SEMA3G: variants seen among roughly 807,000 people sequenced by gnomAD.
The protein encoded by SEMA3G is semaphorin 3G, also known as semaphorin-3G.
In SEMA3G, 70 loss-of-function variants were observed where a neutral mutation model predicts 86.2. That is an observed-to-expected ratio of 0.81 (90% CI 0.67 to 0.99). The LOEUF is 0.99. Ranked by LOEUF, SEMA3G falls within the 50% of genes least tolerant of loss-of-function variation. SEMA3G has a pLI of 0.00. For missense variants in SEMA3G, 1,002 were observed against 1,072.4 expected, an observed-to-expected ratio of 0.93 and a Z score of 0.92; for synonymous variants, 416 against 441.4, an observed-to-expected ratio of 0.94 and a Z score of 0.72.
chr3:52,440,558 C>T (rs1559610679), intron 9 of SEMA3G, 37 bp from the exon 10 acceptor site: 1 of 1,587,240 alleles, frequency 6.3e-7, no homozygotes, highest in East Asian at 2.3e-5. Context: ...CCAGAGTGGC[C>T]ATCAAGGACA....
chr3:52,442,661 C>T lies in SEMA3G; in HGVS notation c.277-40G>A, dbSNP rs368910782. The stretch of plus-strand genomic sequence containing the variant: ...CGCTGACCTCAGGTCCTCCCCTGAT[C>T]TCACAGGCTCAGTTTCCCCATCTGG... On this transcript the variant is annotated intron_variant, in intron 2 of 15. Coordinates refer to ENST00000231721, the MANE Select transcript of SEMA3G (RefSeq NM_020163.3). The surrounding 1 kb of genome is among the most constrained non-coding windows in gnomAD (Gnocchi z 6.1). 1 of 1,614,068 alleles carries T rather than the reference C, an allele frequency of 6.2e-7. No homozygotes were observed.
Position 52,439,693 on chromosome 3 carries a change from A to G in SEMA3G, c.1454T>C (p.Leu485Pro). The G allele has an allele frequency of 6.2e-7, 1 of 1,613,800 alleles. No homozygotes were observed. Among genetic ancestry groups the G allele is most frequent in the Non-Finnish European group, 8.5e-7 (1 of 1,179,812 alleles). Residue 485 changes from leucine (L) to proline (P), a missense_variant, in exon 12 of 16, where the codon CTC (leucine) becomes CCC (proline). By Grantham distance (98) the Leu-to-Pro change is moderately conservative. Transcript: ENST00000231721. ...CCCCTTGCTTACCTTAAACACCTGG[A>G]GCTCCTCCAGAACCACTTCCTCAGG... is the stretch of plus-strand genomic sequence containing the variant. Reference protein sequence around the residue: ...AEPEEVVLEELQVFKVPTPIT... With the variant: ...AEPEEVVLEEPQVFKVPTPIT...
chr3:52,440,206 G>C (rs1706124757), intron 10 of SEMA3G, 108 bp from the exon 11 acceptor site: 3 of 1,210,318 alleles, frequency 2.5e-6, no homozygotes, highest in African/African-American at 3.1e-5. Context: ...ACTGCAGGAG[G>C]GCTCTCCTCT....
At chr3:52,443,131 T>G in intron 1 of SEMA3G, 2 of 1,150,086 alleles carry the variant, frequency 1.7e-6, no homozygotes, top group Non-Finnish European at 2.5e-6. Context: ...CCCTGGGGCC[T>G]ACCTCCCACC....
intron 10 of SEMA3G, 128 bp from the exon 11 acceptor site, chr3:52,440,226 C>T: frequency 9.5e-7 from 1 of 1,053,016 alleles, no homozygotes; most frequent in Non-Finnish European, 1.3e-6. Flanking sequence ...TTCCACTACA[C>T]CCACCCCACC....
chr3:52,435,652 C>A lies in SEMA3G; in HGVS notation c.2300G>T (p.Arg767Leu). The A allele has an allele frequency of 6.2e-7, 1 of 1,614,008 alleles. No individual in the cohort carries two copies. The highest frequency in any genetic ancestry group is 8.5e-7 in the Non-Finnish European group (1 of 1,180,004). The change falls in exon 16 of 16, where the codon CGG (arginine) becomes CTG (leucine). Residue 767 changes from arginine to leucine, a missense_variant. By Grantham distance (102) the Arg-to-Leu change is moderately radical. Coordinates refer to ENST00000231721, the MANE Select transcript of SEMA3G (RefSeq NM_020163.3). Reference sequence around the variant, plus strand: ...CGTCCGATTGTGCTCGGCATGCACCCGGCTCTTCATCTTCTTGCCTAGCTC... The same window carrying A: ...CGTCCGATTGTGCTCGGCATGCACCAGGCTCTTCATCTTCTTGCCTAGCTC... Reference protein sequence around the residue: ...GLELGKKMKSRVHAEHNRTPR... With the variant: ...GLELGKKMKSLVHAEHNRTPR...
intron 1 of SEMA3G, among the ~76,000 whole-genome samples, 179 bp downstream of exon 1, chr3:52,444,734 G>GCACC (rs558175570): frequency 0.028 from 101 of 3,574 alleles, 10 homozygotes; most frequent in South Asian, 0.092. Context: ...CACGGCACAC[G>GCACC]CAAACTCGGC....
rs1320375245 is a variant in SEMA3G at position 52,444,302 on chromosome 3, G to A, written c.115+611C>T. ...AGGGTCTCCATCTGTCCCTTTCTCA[G>A]CACTCCCCCTCAGGTGCCTCCCACC... On this transcript the variant is annotated intron_variant, in intron 1 of 15. Transcript: ENST00000231721. Among the ~76,000 whole-genome samples the A allele has an allele frequency of 3.3e-5, 5 of 151,966 alleles. No homozygotes were observed. The East Asian group carries it at 5.8e-4, about 18-fold the overall frequency.
rs991827003 is a variant in SEMA3G at position 52,433,964 on chromosome 3, T to C, written c.*1639A>G. ...ATCTCAGTGCTTCTGGTTCATTTAT[T>C]ACATGGTCAAAGGGGAGAACGGAGG... On this transcript the variant is annotated 3_prime_UTR_variant, in exon 16 of 16. Transcript: ENST00000231721. 1 of 152,208 alleles carries C rather than the reference T, an allele frequency of 6.6e-6. No individual in the cohort carries two copies. Among genetic ancestry groups the C allele is most frequent in the African/African-American group, 2.4e-5 (1 of 41,440 alleles). The allele number at this position is 152,208 out of a possible 1,614,324, so 9.4% of individuals were successfully genotyped here.
At chr3:52,439,624 A>G in intron 12 of SEMA3G, 56 bp downstream of exon 12, 1 of 1,454,076 alleles carries the variant, frequency 6.9e-7, no homozygotes, top group Non-Finnish European at 9.7e-7. Flanking sequence ...CCCTGTAGCC[A>G]GGCTCAGACC....
intron 10 of SEMA3G, 127 bp from the exon 11 acceptor site, chr3:52,440,225 A>ACCCAC (rs1706125131): frequency 1.8e-6 from 2 of 1,097,792 alleles, no homozygotes; most frequent in Non-Finnish European, 2.5e-6. Flanking sequence ...CTTCCACTAC[A>ACCCAC]CCCACCCCAC....
In SEMA3G at chr3:52,439,758, C is replaced by A; in HGVS notation, c.1389G>T (p.Val463=). ...CTGCCTGGAGAGCGATGACTTTGAG[C>A]ACAGACCCTGAGTCTGGGGCCAGGG... ...VIFLGTDSGS[V]LKVIALQAGG... The change falls in exon 12 of 16, where the codon GTG becomes GTT. Residue 463 remains valine (V), a synonymous_variant. Transcript: ENST00000231721. 5 of 1,613,954 alleles carry A rather than the reference C, an allele frequency of 3.1e-6. No individual in the cohort carries two copies. The highest frequency in any genetic ancestry group is 4.2e-6 in the Non-Finnish European group (5 of 1,180,002).
At position 52,442,474 on chromosome 3, in the gene SEMA3G, A is replaced by T; in HGVS notation, c.339+85T>A. 2.0e-6 allele frequency: 3 copies of T among 1,465,290 alleles called. No homozygotes were observed. Among genetic ancestry groups the T allele is most frequent in the Non-Finnish European group, 2.9e-6 (3 of 1,047,166 alleles). 90.8% of individuals were successfully genotyped at this position (1,465,290 alleles called of 1,614,324 possible). ...GATCTGCTCCAAATGCCCCTGGTAG[A>T]GGTACCTGGGGCGTGGTCACGGATT... On this transcript the variant is annotated intron_variant, in intron 3 of 15. Transcript: ENST00000231721. The surrounding 1 kb of genome is among the most constrained non-coding windows in gnomAD (Gnocchi z 6.1).
chr3:52,438,137 A>T lies in SEMA3G; in HGVS notation c.1572T>A (p.Thr524=). 1.2e-6 allele frequency: 2 copies of T among 1,613,278 alleles called. No individual in the cohort carries two copies. Among genetic ancestry groups the T allele is most frequent in the Non-Finnish European group, 1.7e-6 (2 of 1,180,024 alleles). The change falls in exon 14 of 16, where the codon ACT becomes ACA. Residue 524 remains threonine (T), a synonymous_variant. Coordinates refer to ENST00000231721, the MANE Select transcript of SEMA3G (RefSeq NM_020163.3). ...AGCACTCTGCACAGGCAGTGCCGTA[A>T]GTCTCACATTGGTGCAGCCGCAGCT... ...VAQLRLHQCE[T]YGTACAECCL...
chr3:52,444,153 G>A (rs1307227729), intron 1 of SEMA3G, among the ~76,000 whole-genome samples: 2 of 152,142 alleles, frequency 1.3e-5, no homozygotes, highest in Admixed American at 1.3e-4. Flanking sequence ...CTGCTCTCCC[G>A]TTGGCCACCC....
chr3:52,439,042 C>A lies in SEMA3G; in HGVS notation c.1468-81G>T, dbSNP rs1706098868. 4 of 1,497,950 alleles carry A rather than the reference C, an allele frequency of 2.7e-6. No homozygotes were observed. The South Asian group carries it at 4.9e-5, about 18-fold the overall frequency. The allele number at this position is 1,497,950 out of a possible 1,614,324, so 92.8% of individuals were successfully genotyped here. The stretch of plus-strand genomic sequence containing the variant: ...ACCCCTGCTTTCAGTCTCCTCCAAC[C>A]CTGGGGTGGGAACCACCTAGCTCCC... On this transcript the variant is annotated intron_variant, in intron 12 of 15. Coordinates refer to ENST00000231721, the MANE Select transcript of SEMA3G (RefSeq NM_020163.3).
At position 52,442,603 on chromosome 3, in the gene SEMA3G, G is replaced by C; in HGVS notation, c.295C>G (p.Pro99Ala). The C allele has an allele frequency of 1.2e-6, 2 of 1,614,124 alleles. No homozygotes were observed. The highest frequency in any genetic ancestry group is 1.7e-6 in the Non-Finnish European group (2 of 1,179,988). ...DPREVLWPPQ[P>A]GQREECVRKG... ...CGAACACACTCCTCCCTCTGTCCTG[G>C]CTGCGGTGGCCACAGGACCTGGAAC... Residue 99 changes from proline to alanine, a missense_variant, in exon 3 of 16, where the codon CCA (proline) becomes GCA (alanine). Coordinates refer to ENST00000231721, the MANE Select transcript of SEMA3G (RefSeq NM_020163.3). The surrounding 1 kb of genome is among the most constrained non-coding windows in gnomAD (Gnocchi z 6.1).
rs145232334 is a variant in SEMA3G, at chr3:52,442,574, C to T, written c.324G>A (p.Lys108=). The change falls in exon 3 of 16, where the codon AAG becomes AAA. Residue 108 remains lysine (K), a synonymous_variant. Transcript: ENST00000231721. This position sits in a 1 kb window ranked among gnomAD's most constrained non-coding sequence, Gnocchi z 6.1. The part of the protein sequence containing the change: ...QPGQREECVR[K]GRDPLTECAN... ...CAGCACTCACCAAAGGATCTCTTCCCTTTCGAACACACTCCTCCCTCTGTC... is the reference window on the plus strand; with the variant it reads ...CAGCACTCACCAAAGGATCTCTTCCTTTTCGAACACACTCCTCCCTCTGTC... 1.1e-5 allele frequency: 17 copies of T among 1,614,020 alleles called. No homozygotes were observed. The highest frequency in any genetic ancestry group is 1.4e-5 in the Non-Finnish European group (17 of 1,180,002).
At chr3:52,437,428 TC>T (rs1559608747) in intron 15 of SEMA3G, 98 bp downstream of exon 15, 3 of 1,286,236 alleles carry the variant, frequency 2.3e-6, no homozygotes, top group Non-Finnish European at 3.2e-6. Context: ...CTTGGCAGAT[TC>T]CCCCCAGAAC....
Sources: allele counts gnomAD v4.1 joint callset (sites outside exome capture counted in the v4.1 genomes callset), GRCh38; gene constraint gnomAD v4.1.1; non-coding constraint Gnocchi (gnomAD v3.1); transcripts MANE v1.5; gene names NCBI Gene and HGNC (gene_info 2026-07-23, HGNC 2026-07-21).